Variants in KIF18A observed in about 807,000 individuals in gnomAD.
KIF18A encodes kinesin family member 18A, also known as kinesin-like protein KIF18A.
Under a neutral mutation model 103.3 loss-of-function variants are expected in KIF18A, and 67 were observed. The ratio of observed to expected loss-of-function variants is 0.65; its 90% confidence interval spans 0.53 to 0.79. KIF18A has a LOEUF of 0.79. Ranked by LOEUF, KIF18A falls within the 30% of genes least tolerant of loss-of-function variation. The probability of loss-of-function intolerance (pLI) is 0.00; values close to 1 mark genes in which losing one functional copy is unlikely to be tolerated. For missense variants in KIF18A, 1,032 were observed against 1,062.5 expected (o/e 0.97, Z 0.40); for synonymous variants, 367 against 355.5 (o/e 1.03, Z -0.36).
intron 4 of KIF18A, 124 bp from the exon 5 acceptor site, chr11:28,090,851 T>A (rs564295508): frequency 4.9e-6 from 3 of 607,144 alleles, no homozygotes; most frequent in Non-Finnish European, 8.7e-6. Context: ...AATTCAATCC[T>A]ATTAAATACT....
At chr11:28,046,463 G>T (rs1335980541) in intron 13 of KIF18A, among the ~76,000 whole-genome samples, 1 of 141,500 alleles carries the variant, frequency 7.1e-6, no homozygotes, top group African/African-American at 2.7e-5. Flanking sequence ...ACCAAACACC[G>T]CATATTCTCA....
At chr11:28,046,850 AAG>A (rs1244938424) in intron 13 of KIF18A, among the ~76,000 whole-genome samples, 1 of 151,052 alleles carries the variant, frequency 6.6e-6, no homozygotes, top group African/African-American at 2.4e-5. Context: ...TCAGGAGTTT[AAG>A]ACCAGCCTGG....
intron 10 of KIF18A, among the ~76,000 whole-genome samples, chr11:28,071,394 A>G (rs1251294791): frequency 2.0e-5 from 3 of 151,352 alleles, no homozygotes; most frequent in African/African-American, 4.8e-5. Context: ...TATTTTCACT[A>G]TTTTTGAGAA....
chr11:28,057,442 G>C (rs1358045573), intron 13 of KIF18A, among the ~76,000 whole-genome samples: 1 of 152,124 alleles, frequency 6.6e-6, no homozygotes, highest in South Asian at 2.1e-4. Context: ...GTGAACCCAG[G>C]AGACGGAGCT....
intron 10 of KIF18A, among the ~76,000 whole-genome samples, chr11:28,076,187 A>T (rs1279047474): frequency 2.0e-5 from 3 of 152,034 alleles, no homozygotes; most frequent in Admixed American, 2.0e-4. Flanking sequence ...TGGAAGGGAG[A>T]GGGCAGTATA....
At position 28,090,516 on chromosome 11, in the gene KIF18A, A is replaced by G. The variant is rs374276664; in HGVS notation, c.699+101T>C. 1.7e-5 allele frequency: 12 copies of G among 709,430 alleles called. No homozygotes were observed. The African/African-American group carries it at 2.0e-4, about 12-fold the overall frequency. The allele number at this position is 709,430 out of a possible 1,614,324, so 43.9% of individuals were successfully genotyped here. On this transcript the variant is annotated intron_variant, in intron 5 of 16. Transcript: ENST00000263181. ...AGGAAAGTACTGACAAGTGAAGTCT[A>G]CAGACAGATTTTTTTCACATGTATG...
chr11:28,107,425 A>T (rs1271927545), intron 1 of KIF18A, among the ~76,000 whole-genome samples: 1 of 151,840 alleles, frequency 6.6e-6, no homozygotes, highest in Admixed American at 6.6e-5. Flanking sequence ...TATAGGACTG[A>T]TTCTAAATGT....
intron 13 of KIF18A, among the ~76,000 whole-genome samples, chr11:28,055,490 C>T (rs777385404): frequency 2.6e-5 from 4 of 152,094 alleles, no homozygotes; most frequent in Non-Finnish European, 5.9e-5. Flanking sequence ...AGCAACAGTG[C>T]TAAGAGCTTT....
At chr11:28,065,006 A>C (rs751710549) in intron 11 of KIF18A, among the ~76,000 whole-genome samples, 3 of 152,084 alleles carry the variant, frequency 2.0e-5, no homozygotes, top group Non-Finnish European at 2.9e-5. Flanking sequence ...CTTTGGTTGC[A>C]GTGGAGAGAA....
chr11:28,052,404 T>C (rs1397797090), intron 13 of KIF18A, among the ~76,000 whole-genome samples: 1 of 152,134 alleles, frequency 6.6e-6, no homozygotes, highest in Non-Finnish European at 1.5e-5. Context: ...TCATTCTCTT[T>C]TTCTTTGTAC....
chr11:28,067,478 T>C (rs1476634868), intron 11 of KIF18A, among the ~76,000 whole-genome samples: 2 of 152,128 alleles, frequency 1.3e-5, no homozygotes, highest in African/African-American at 4.8e-5. Context: ...TGAGCTTCCA[T>C]ATTAACAGAA....
rs765385583 is a variant in KIF18A, at chr11:28,097,816, A to G, written c.132T>C (p.Phe44=). Reference sequence around the variant, plus strand: ...AACTGACTTCTTCTTGTTTGGGATCAAAAACTAGGATATGTTTATCCACAA... The same window carrying G: ...AACTGACTTCTTCTTGTTTGGGATCGAAAACTAGGATATGTTTATCCACAA... ...VHVVDKHILV[F]DPKQEEVSFF... is the part of the protein sequence containing the mutation. The change falls in exon 2 of 17, where the codon TTT becomes TTC. Residue 44 remains phenylalanine (F), a synonymous_variant. Coordinates refer to ENST00000263181, the MANE Select transcript of KIF18A (RefSeq NM_031217.4). 2.5e-6 allele frequency: 4 copies of G among 1,613,104 alleles called. No homozygotes were observed. The highest frequency in any genetic ancestry group is 2.2e-5 in the South Asian group (2 of 91,006).
At chr11:28,045,293 A>G (rs1850616928) in intron 13 of KIF18A, among the ~76,000 whole-genome samples, 1 of 152,002 alleles carries the variant, frequency 6.6e-6, no homozygotes, top group South Asian at 2.1e-4. Flanking sequence ...AGGACAATCA[A>G]TCTACTTCAG....
chr11:28,066,325 G>T (rs985791602), intron 11 of KIF18A, among the ~76,000 whole-genome samples: 1 of 151,852 alleles, frequency 6.6e-6, no homozygotes, highest in African/African-American at 2.4e-5. Context: ...TTTGGCCAGG[G>T]TTATCCAGCT....
At chr11:28,052,720 G>A (rs531603233) in intron 13 of KIF18A, among the ~76,000 whole-genome samples, 243 of 152,140 alleles carry the variant, frequency 1.6e-3, no homozygotes, top group Middle Eastern at 3.4e-3. Flanking sequence ...CTAGAAGTGA[G>A]CTCCTTGAGG....
At chr11:28,023,194 C>T (rs1850268017) in intron 16 of KIF18A, among the ~76,000 whole-genome samples, 1 of 152,120 alleles carries the variant, frequency 6.6e-6, no homozygotes, top group Non-Finnish European at 1.5e-5. Flanking sequence ...TCATGTCACT[C>T]CCATATGCGG....
intron 13 of KIF18A, among the ~76,000 whole-genome samples, chr11:28,055,981 T>C (rs1042930543): frequency 6.6e-6 from 1 of 152,106 alleles, no homozygotes. Flanking sequence ...ATCCTTTATA[T>C]ATAAAATAAT....
At chr11:28,058,804 T>A in intron 13 of KIF18A, 122 bp downstream of exon 13, 1 of 724,034 alleles carries the variant, frequency 1.4e-6, no homozygotes, top group Non-Finnish European at 2.3e-6. Context: ...ATAAAGCTAA[T>A]TTTCCCATTA....
At position 28,038,677 on chromosome 11, in the gene KIF18A, T is replaced by A. The variant is rs77626359; in HGVS notation, c.1949-2013A>T. Reference sequence around the variant, plus strand: ...ATTCTTATTATATTAGTTGACAATATGCTCTGCTTTGGCTAGGTTGACAAT... The same window carrying A: ...ATTCTTATTATATTAGTTGACAATAAGCTCTGCTTTGGCTAGGTTGACAAT... On this transcript the variant is annotated intron_variant, in intron 13 of 16. Coordinates refer to ENST00000263181, the MANE Select transcript of KIF18A (RefSeq NM_031217.4). Among the ~76,000 whole-genome samples the A allele has an allele frequency of 5.4e-4, 82 of 151,810 alleles. No individual in the cohort carries two copies. The East Asian group carries it at 0.016, about 29-fold the overall frequency.
Sources: allele counts gnomAD v4.1 joint callset (sites outside exome capture counted in the v4.1 genomes callset), GRCh38; gene constraint gnomAD v4.1.1; transcripts MANE v1.5; gene names NCBI Gene and HGNC (gene_info 2026-07-23, HGNC 2026-07-21).